ATAD3B: variants seen among roughly 807,000 people sequenced by gnomAD.
ATAD3B encodes the protein ATPase family AAA domain containing 3B.
A neutral mutation model predicts 70.2 loss-of-function variants in ATAD3B; 59 were observed. The ratio of observed to expected loss-of-function variants is 0.84; its 90% CI spans 0.68 to 1.04. ATAD3B has a LOEUF of 1.04. ATAD3B is among the 50% of genes least tolerant of loss of function. The pLI is 0.00. For synonymous variants in ATAD3B, 423 were observed against 388.6 expected, an observed-to-expected ratio of 1.09 and a Z score of -1.04; for missense variants, 961 against 913.4, an observed-to-expected ratio of 1.05 and a Z score of -0.67.
At position 1,490,591 on chromosome 1, in the gene ATAD3B, G is replaced by A. The variant is rs371797847; in HGVS notation, c.1534G>A (p.Gly512Arg). The change falls in exon 15 of 16, where the codon GGG becomes AGG. Residue 512 changes from glycine (G) to arginine (R), a missense_variant. By Grantham distance (125) the Gly-to-Arg change is moderately radical. This residue lies in a region of ATAD3B where 417 missense variants were observed against 335.0 expected (regional missense o/e 1.24). Transcript: ENST00000673477. ...CCTGAAGCTGGCCCAGTTTGACTAC[G>A]GGAGGAAGTGCTCGGAGGTCGCTCG... ...RRLKLAQFDY[G>R]RKCSEVARLT... 774 of 1,610,568 alleles carry A rather than the reference G, an allele frequency of 4.8e-4. 15 individuals carry two copies. In the Middle Eastern group the frequency reaches 5.3e-3, roughly 11 times the overall value.
rs563153106 is a variant in ATAD3B, at chr1:1,485,781, G to A, written c.907-1G>A. 1.9e-6 allele frequency: 3 copies of A among 1,612,992 alleles called. No individual in the cohort carries two copies. The South Asian group carries it at 3.3e-5, about 18-fold the overall frequency. On this transcript the variant is annotated splice_acceptor_variant, in intron 8 of 15. Coordinates refer to ENST00000673477, the MANE Select transcript of ATAD3B (RefSeq NM_031921.6). LOFTEE classifies it high-confidence loss of function. ...TGGTGCTTCCCCTTCCCCTCCGGCA[G>A]GTCAGCCGGCGGCTCCTCAGTCGAC...
intron 1 of ATAD3B, among the ~76,000 whole-genome samples, chr1:1,472,776 T>G (rs1348490162): frequency 6.6e-6 from 1 of 152,010 alleles, no homozygotes; most frequent in Non-Finnish European, 1.5e-5. Flanking sequence ...ACGTAGAAGG[T>G]GCTGAATTCA....
At chr1:1,507,279 T>G in the ATAD3B span, among the ~76,000 whole-genome samples, 1 of 152,212 alleles carries the variant, frequency 6.6e-6, no homozygotes, top group Non-Finnish European at 1.5e-5. Flanking sequence ...CTTCCAGTTT[T>G]TCACCACTGA....
At chr1:1,503,883 G>A in the ATAD3B span, among the ~76,000 whole-genome samples, 4 of 152,084 alleles carry the variant, frequency 2.6e-5, no homozygotes, top group East Asian at 1.9e-4. Context: ...TGGTGAGGGC[G>A]TCTGGTTGTC....
chr1:1,509,169 A>C, the ATAD3B span: 2 of 1,606,756 alleles, frequency 1.2e-6, no homozygotes, highest in Non-Finnish European at 1.7e-6. Flanking sequence ...GGGGGTTCCC[A>C]TGGCGGCCTC....
At chr1:1,502,764 G>A (rs1405811968), downstream of ATAD3B, among the ~76,000 whole-genome samples, 5 of 150,968 alleles carry the variant, frequency 3.3e-5, no homozygotes, top group African/African-American at 7.3e-5. Flanking sequence ...CACCCGCCTC[G>A]GCCTCCCAAA....
chr1:1,500,464 A>G (rs1344280820), downstream of ATAD3B, among the ~76,000 whole-genome samples: 2 of 148,540 alleles, frequency 1.3e-5, no homozygotes, highest in Non-Finnish European at 3.0e-5. Context: ...AGGCAGGAGA[A>G]TGGCGTGAAC....
intron 15 of ATAD3B, among the ~76,000 whole-genome samples, chr1:1,493,159 A>G (rs1640621707): frequency 6.6e-6 from 1 of 151,914 alleles, no homozygotes; most frequent in Admixed American, 6.6e-5. Context: ...TGGCTCTTAC[A>G]TGTAGCATTT....
chr1:1,504,285 C>T, the ATAD3B span, among the ~76,000 whole-genome samples: 22 of 151,966 alleles, frequency 1.4e-4, 1 homozygote, highest in Non-Finnish European at 2.8e-4. Context: ...AGTGCCTGGT[C>T]CCTCACTTTC....
At position 1,497,286 on chromosome 1, in the gene ATAD3B, T is replaced by A. The variant is rs529013848; in HGVS notation, c.*1469T>A. 7 of 149,146 alleles carry A rather than the reference T, an allele frequency of 4.7e-5. No homozygotes were observed. Among genetic ancestry groups the A allele is most frequent in the Non-Finnish European group, 7.5e-5 (5 of 67,068 alleles). 9.2% of individuals were successfully genotyped at this position (149,146 alleles called of 1,614,324 possible). On this transcript the variant is annotated 3_prime_UTR_variant, in exon 16 of 16. Transcript: ENST00000673477. ...GTGCAGTGGTGTGATTATAGCTCAC[T>A]GCAGCCTCGACCTCCCAGGCTCAAG...
chr1:1,490,685 C>T lies in ATAD3B; in HGVS notation c.1614+14C>T, dbSNP rs746591249. On this transcript the variant is annotated intron_variant, in intron 15 of 15. Transcript: ENST00000673477. ...GTGTCCTGGCAGGTGAGTCAGGCTC[C>T]GGCACGTCCACCCAGACGGGACCCC... 1.6e-5 allele frequency: 25 copies of T among 1,563,906 alleles called. 1 individual carries two copies. Among genetic ancestry groups the T allele is most frequent in the South Asian group, 3.5e-5 (3 of 85,586 alleles).
intron 15 of ATAD3B, among the ~76,000 whole-genome samples, 168 bp downstream of exon 15, chr1:1,490,839 G>C (rs1640507336): frequency 6.6e-6 from 1 of 152,046 alleles, no homozygotes; most frequent in African/African-American, 2.4e-5. Flanking sequence ...GCCACTCCAC[G>C]CAGCAGCGTG....
intron 5 of ATAD3B, 126 bp from the exon 6 acceptor site, chr1:1,482,012 G>C: frequency 7.0e-7 from 1 of 1,436,220 alleles, no homozygotes; most frequent in Non-Finnish European, 9.4e-7. Context: ...CCGTGGCATG[G>C]GCCTGTCTGT....
At chr1:1,501,217 T>C (rs1246207880), downstream of ATAD3B, among the ~76,000 whole-genome samples, 1 of 151,492 alleles carries the variant, frequency 6.6e-6, no homozygotes, top group African/African-American at 2.4e-5. Flanking sequence ...GCGTCCTGAG[T>C]AGTAATTACA....
intron 2 of ATAD3B, among the ~76,000 whole-genome samples, chr1:1,477,673 G>C (rs1014857687): frequency 2.1e-5 from 3 of 145,604 alleles, no homozygotes; most frequent in African/African-American, 8.1e-5. Flanking sequence ...TCACTCAGCA[G>C]GATTTTTTAT....
At chr1:1,482,019 C>T in intron 5 of ATAD3B, 119 bp from the exon 6 acceptor site, 1 of 1,450,210 alleles carries the variant, frequency 6.9e-7, no homozygotes, top group Non-Finnish European at 9.3e-7. Flanking sequence ...ATGGGCCTGT[C>T]TGTGGCGTTG....
rs773103691 is a variant in ATAD3B at position 1,487,907 on chromosome 1, G to C, written c.1259G>C (p.Arg420Pro). 196 of 1,612,948 alleles carry C rather than the reference G, an allele frequency of 1.2e-4. 2 individuals carry two copies. Among genetic ancestry groups the C allele is most frequent in the Non-Finnish European group, 1.6e-4 (189 of 1,179,422 alleles). The change falls in exon 12 of 16, where the codon CGA becomes CCA. Residue 420 changes from arginine to proline, a missense_variant. Physicochemically the swap from Arg to Pro is moderately radical, Grantham distance 103. Around this residue, in one of 4 missense-constraint regions of ATAD3B, gnomAD observed 417 missense variants for 335.0 expected, o/e 1.24. Coordinates refer to ENST00000673477, the MANE Select transcript of ATAD3B (RefSeq NM_031921.6). ...GAAGCAGACGCCTTCCTTCGGAAGC[G>C]AGCCACTGTGAGTGTCACTAAGCCT... ...MDEADAFLRKRATEEISKDLR... is the reference protein window; with the variant it reads ...MDEADAFLRKPATEEISKDLR...
chr1:1,474,727 C>G (rs1017366168), intron 1 of ATAD3B, among the ~76,000 whole-genome samples: 1 of 151,956 alleles, frequency 6.6e-6, no homozygotes, highest in African/African-American at 2.4e-5. Context: ...GTCTTGAATT[C>G]TGGCCTCAGG....
intron 15 of ATAD3B, among the ~76,000 whole-genome samples, chr1:1,492,825 G>A (rs1039931981): frequency 1.3e-5 from 2 of 151,762 alleles, no homozygotes; most frequent in Admixed American, 6.6e-5. Context: ...TGTAGTCCCA[G>A]CTACTCAGGA....
Sources: gnomAD v4.1 joint callset for allele counts (sites outside exome capture counted in the v4.1 genomes callset) on GRCh38, gnomAD v4.1.1 for gene constraint, gnomAD v4.1.1 regional missense constraint, MANE v1.5 for transcripts, NCBI Gene and HGNC (gene_info 2026-07-23, HGNC 2026-07-21) for gene names.